Variants in UPF2 observed in about 807,000 individuals in gnomAD.
UPF2 encodes the protein regulator of nonsense transcripts 2.
In UPF2, 17 loss-of-function variants were observed where a neutral mutation model predicts 141.4. That is an observed-to-expected ratio of 0.12 (90% CI 0.08 to 0.18). The LOEUF (loss-of-function observed/expected upper bound fraction) is 0.18. Ranked by LOEUF, UPF2 falls within the 10% of genes least tolerant of loss-of-function variation. The pLI, the probability that UPF2 is intolerant of heterozygous loss-of-function variation, is 1.00. For missense variants in UPF2, 1,152 were observed against 1,515.9 expected, an observed-to-expected ratio of 0.76 and a Z score of 3.99; for synonymous variants, 540 against 498.0, an observed-to-expected ratio of 1.08 and a Z score of -1.12.
chr10:11,960,619 G>A (rs1018683337), intron 11 of UPF2, among the ~76,000 whole-genome samples: 11 of 151,468 alleles, frequency 7.3e-5, no homozygotes, highest in Non-Finnish European at 1.3e-4. Flanking sequence ...AATTACCCAG[G>A]CACGGTAGTA....
intron 9 of UPF2, among the ~76,000 whole-genome samples, chr10:11,977,026 C>T (rs932486581): frequency 3.3e-5 from 5 of 152,062 alleles, no homozygotes; most frequent in Non-Finnish European, 7.4e-5. Context: ...CCTAGAACAC[C>T]GGAGAGTGGG....
At chr10:11,965,694 C>T (rs1460265291) in intron 10 of UPF2, among the ~76,000 whole-genome samples, 2 of 152,116 alleles carry the variant, frequency 1.3e-5, no homozygotes, top group Non-Finnish European at 2.9e-5. Context: ...CTCCTGACCT[C>T]ATGATCTGCC....
At chr10:11,923,700 G>A (rs1191682794) in intron 21 of UPF2, among the ~76,000 whole-genome samples, 2 of 151,366 alleles carry the variant, frequency 1.3e-5, no homozygotes, top group African/African-American at 4.9e-5. Context: ...TTAGCTGGGC[G>A]TGGTGGCACA....
intron 1 of UPF2, among the ~76,000 whole-genome samples, chr10:12,041,768 T>G (rs533615469): frequency 6.6e-6 from 1 of 152,178 alleles, no homozygotes; most frequent in Admixed American, 6.5e-5. Flanking sequence ...TGTTAGAAAT[T>G]GTACCAGCTC....
At chr10:11,984,305 T>C (rs1001110890) in intron 8 of UPF2, among the ~76,000 whole-genome samples, 1 of 152,182 alleles carries the variant, frequency 6.6e-6, no homozygotes. Context: ...ATGTGTATAT[T>C]TTTCAAAAAA....
intron 10 of UPF2, among the ~76,000 whole-genome samples, chr10:11,966,395 C>A (rs1053789149): frequency 1.4e-4 from 21 of 152,008 alleles, no homozygotes; most frequent in Non-Finnish European, 2.9e-4. Flanking sequence ...GTTAAAATAA[C>A]CTCTTTATCA....
intron 5 of UPF2, among the ~76,000 whole-genome samples, chr10:12,002,632 T>C (rs1833971751): frequency 1.3e-5 from 2 of 152,298 alleles, no homozygotes; most frequent in Non-Finnish European, 2.9e-5. Flanking sequence ...AAAATATCCT[T>C]ATCATTTCAA....
At chr10:11,948,263 A>AC in intron 16 of UPF2, 106 bp downstream of exon 16, 3 of 1,164,808 alleles carry the variant, frequency 2.6e-6, no homozygotes, top group Non-Finnish European at 3.5e-6. Flanking sequence ...AAAAAAAAAA[A>AC]AAAAAAACCA....
At chr10:11,934,193 C>T (rs753006074) in intron 19 of UPF2, among the ~76,000 whole-genome samples, 4 of 152,066 alleles carry the variant, frequency 2.6e-5, no homozygotes, top group Non-Finnish European at 4.4e-5. Context: ...TTAAATAGTC[C>T]CTAGAAAAGC....
At chr10:12,035,728 C>G in intron 1 of UPF2, 1 of 228,778 alleles carries the variant, frequency 4.4e-6, no homozygotes, top group Non-Finnish European at 8.4e-6. Flanking sequence ...CCTCCACGTA[C>G]CCATCACTCA....
Position 11,979,208 on chromosome 10 carries a change from C to G in UPF2, c.1845-43G>C. 2.1e-6 allele frequency: 3 copies of G among 1,434,390 alleles called. No individual in the cohort carries two copies. The highest frequency in any genetic ancestry group is 1.9e-6 in the Non-Finnish European group (2 of 1,036,074). 88.9% of individuals were successfully genotyped at this position (1,434,390 alleles called of 1,614,324 possible). A position where few individuals can be genotyped will look rare whatever the true frequency, so the allele number is the denominator to read the frequency against. The stretch of plus-strand genomic sequence containing the variant: ...GATATGTGTCAAAGGAAAGACATAT[C>G]AAAAATAATTCATTTTAAAATTTAA... On this transcript the variant is annotated intron_variant, in intron 8 of 21. Coordinates refer to ENST00000357604, the MANE Select transcript of UPF2 (RefSeq NM_015542.4). The surrounding 1 kb of genome is among the most constrained non-coding windows in gnomAD (Gnocchi z 6.2).
rs1485719412 is a variant in UPF2 at position 12,042,468 on chromosome 10, T to A, written c.-19+287A>T. ...GCCCCTCCACCGCGGGCTCCCCGCC[T>A]CCAGTCTCGAGGCCCGGCCCAGGCA... is the stretch of plus-strand genomic sequence containing the variant. On this transcript the variant is annotated intron_variant, in intron 1 of 21. Coordinates refer to ENST00000357604, the MANE Select transcript of UPF2 (RefSeq NM_015542.4). The surrounding 1 kb of genome is among the most constrained non-coding windows in gnomAD (Gnocchi z 5.5). Among the ~76,000 whole-genome samples the A allele has an allele frequency of 6.6e-6, 1 of 151,602 alleles. No individual in the cohort carries two copies. Among genetic ancestry groups the A allele is most frequent in the Non-Finnish European group, 1.5e-5 (1 of 67,868 alleles).
At chr10:12,017,203 G>A (rs1450851647) in intron 3 of UPF2, among the ~76,000 whole-genome samples, 1 of 152,048 alleles carries the variant, frequency 6.6e-6, no homozygotes, top group Non-Finnish European at 1.5e-5. Context: ...AACCCCTAAT[G>A]ACAATTACTA....
At chr10:12,008,466 T>TA (rs1221602500) in intron 4 of UPF2, among the ~76,000 whole-genome samples, 1 of 151,352 alleles carries the variant, frequency 6.6e-6, no homozygotes, top group African/African-American at 2.4e-5. Flanking sequence ...CTATCTCTAC[T>TA]AAAAATACAA....
chr10:11,950,991 C>T (rs994420097), intron 15 of UPF2, among the ~76,000 whole-genome samples: 1 of 152,150 alleles, frequency 6.6e-6, no homozygotes, highest in African/African-American at 2.4e-5. Context: ...TAATGACAGA[C>T]ATGAATGTAC....
In UPF2 at chr10:12,004,455, T is replaced by TA. The variant is rs200490964; in HGVS notation, c.1504+74_1504+75insT. 9.8e-4 allele frequency: 902 copies of TA among 922,756 alleles called. 3 individuals carry two copies. The highest frequency in any genetic ancestry group is 9.2e-3 in the African/African-American group (543 of 58,928). The allele number at this position is 922,756 out of a possible 1,614,324, so 57.2% of individuals were successfully genotyped here. On this transcript the variant is annotated intron_variant, in intron 5 of 21. Transcript: ENST00000357604. ...AAAACTAGTAACTACAATATATATA[T>TA]TTTTTTTTTACAAATACTATTTTGA...
At chr10:11,984,356 T>G (rs1485346875) in intron 8 of UPF2, among the ~76,000 whole-genome samples, 1 of 152,236 alleles carries the variant, frequency 6.6e-6, no homozygotes, top group Non-Finnish European at 1.5e-5. Flanking sequence ...TAAAATATTT[T>G]AAGCGTATCA....
rs558399822 is a variant in UPF2 at position 11,980,569 on chromosome 10, C to T, written c.1845-1404G>A. Among the ~76,000 whole-genome samples the T allele has an allele frequency of 6.6e-6, 1 of 151,910 alleles. No homozygotes were observed. The highest frequency in any genetic ancestry group is 2.4e-5 in the African/African-American group (1 of 41,444). ...CCAATATGGTGAAACCCCATCTCTA[C>T]CAAAAATATAAAAATTAGCTGGGCG... On this transcript the variant is annotated intron_variant, in intron 8 of 21. Coordinates refer to ENST00000357604, the MANE Select transcript of UPF2 (RefSeq NM_015542.4). The surrounding 1 kb of genome is among the most constrained non-coding windows in gnomAD (Gnocchi z 4.2).
intron 16 of UPF2, among the ~76,000 whole-genome samples, chr10:11,947,685 G>C (rs948941285): frequency 2.0e-5 from 3 of 151,408 alleles, no homozygotes; most frequent in African/African-American, 7.3e-5. Context: ...TACTGAGGAG[G>C]CTGAGGTGGG....
Sources: gnomAD v4.1 joint callset for allele counts (sites outside exome capture counted in the v4.1 genomes callset) on GRCh38, gnomAD v4.1.1 for gene constraint, Gnocchi (gnomAD v3.1) non-coding constraint, MANE v1.5 for transcripts, NCBI Gene and HGNC (gene_info 2026-07-23, HGNC 2026-07-21) for gene names.